PLA2R1: variants seen among roughly 807,000 people sequenced by gnomAD.
PLA2R1 encodes the protein secretory phospholipase A2 receptor.
A neutral mutation model predicts 195.9 loss-of-function variants in PLA2R1; 158 were observed. The ratio of observed to expected loss-of-function variants is 0.81; its 90% CI spans 0.71 to 0.92. The LOEUF is 0.92. PLA2R1 is among the 40% of genes least tolerant of loss of function. The pLI, the probability that PLA2R1 is intolerant of heterozygous loss-of-function variation, is 0.00. For synonymous variants in PLA2R1, 586 were observed against 598.2 expected, an observed-to-expected ratio of 0.98 and a Z score of 0.30; for missense variants, 1,626 against 1,764.6, an observed-to-expected ratio of 0.92 and a Z score of 1.41.
At position 160,013,318 on chromosome 2, in the gene PLA2R1, C is replaced by G; in HGVS notation, c.1609G>C (p.Asp537His). 6.2e-7 allele frequency: 1 copy of G among 1,612,016 alleles called. No individual in the cohort carries two copies. The highest frequency in any genetic ancestry group is 2.2e-5 in the East Asian group (1 of 44,774). The change falls in exon 10 of 30, where the codon GAC becomes CAC. Residue 537 changes from aspartate (D) to histidine (H), a missense_variant. By Grantham distance (81) the Asp-to-His change is moderately conservative (BLOSUM62 -1). Coordinates refer to ENST00000283243, the MANE Select transcript of PLA2R1 (RefSeq NM_007366.5). Reference protein sequence around the residue: ...YKIDTVLRSFDQASSGYYCPP... With the variant: ...YKIDTVLRSFHQASSGYYCPP... Reference sequence around the variant, plus strand: ...CAGTAATAACCGCTGGAAGCTTGGTCAAAGCTTCGAAGGACTGTGTCAATT... The same window carrying G: ...CAGTAATAACCGCTGGAAGCTTGGTGAAAGCTTCGAAGGACTGTGTCAATT...
intron 26 of PLA2R1, 85 bp downstream of exon 26, chr2:159,947,334 G>T: frequency 1.7e-6 from 2 of 1,154,326 alleles, no homozygotes; most frequent in South Asian, 3.0e-5. Flanking sequence ...ACTAAATAAT[G>T]GGATGAATAA....
intron 28 of PLA2R1, among the ~76,000 whole-genome samples, 196 bp from the exon 29 acceptor site, chr2:159,942,355 C>T (rs997715115): frequency 6.6e-6 from 1 of 152,148 alleles, no homozygotes; most frequent in African/African-American, 2.4e-5. Flanking sequence ...GTAACAGAGA[C>T]CATATGGCTC....
rs541337583 is a variant in PLA2R1 at position 160,054,461 on chromosome 2, C to G, written c.109+7834G>C. Among the ~76,000 whole-genome samples, 21 of 152,274 alleles carry G rather than the reference C, an allele frequency of 1.4e-4. No individual in the cohort carries two copies. The East Asian group carries it at 4.0e-3, about 29-fold the overall frequency. ...AAAAATGTGTATAGTTAAATAATTA[C>G]TTTGAGTTTCCTGTTTATATTTTCA... On this transcript the variant is annotated intron_variant, in intron 1 of 29. Transcript: ENST00000283243.
intron 3 of PLA2R1, among the ~76,000 whole-genome samples, chr2:160,037,990 C>T (rs1271904993): frequency 6.6e-6 from 1 of 152,120 alleles, no homozygotes; most frequent in African/African-American, 2.4e-5. Flanking sequence ...CCAGAGAAGT[C>T]CCTGGCACAT....
chr2:159,976,673 A>G lies in PLA2R1; in HGVS notation c.2437+12T>C, dbSNP rs1257954449. 3 of 1,561,188 alleles carry G rather than the reference A, an allele frequency of 1.9e-6. No homozygotes were observed. The highest frequency in any genetic ancestry group is 1.7e-5 in the Admixed American group (1 of 59,898). ...TAATTAGAAATTCAAGAGCTGCCAG[A>G]GTCATTCTTACCGTACTGGTACCAG... is the stretch of plus-strand genomic sequence containing the variant. On this transcript the variant is annotated intron_variant, in intron 16 of 29. Transcript: ENST00000283243.
At chr2:160,025,543 T>C (rs1693449387) in intron 6 of PLA2R1, among the ~76,000 whole-genome samples, 2 of 132,688 alleles carry the variant, frequency 1.5e-5, no homozygotes, top group South Asian at 4.8e-4. Flanking sequence ...TATAAAACAG[T>C]CCATTATAAC....
At chr2:160,007,940 G>A (rs756648451) in intron 10 of PLA2R1, among the ~76,000 whole-genome samples, 7 of 152,160 alleles carry the variant, frequency 4.6e-5, no homozygotes, top group Non-Finnish European at 8.8e-5. Context: ...CAATATAATC[G>A]TGAAAAGAAA....
intron 13 of PLA2R1, among the ~76,000 whole-genome samples, chr2:159,983,298 G>C (rs140373816): frequency 7.2e-5 from 11 of 152,034 alleles, no homozygotes; most frequent in South Asian, 4.1e-4. Flanking sequence ...AGCACAAGAC[G>C]GTTTAGAGTT....
At chr2:160,009,872 C>T (rs1477327602) in intron 10 of PLA2R1, among the ~76,000 whole-genome samples, 1 of 152,130 alleles carries the variant, frequency 6.6e-6, no homozygotes, top group Non-Finnish European at 1.5e-5. Flanking sequence ...CTTTGAGAGG[C>T]CGAGGCAGGA....
At chr2:160,045,197 T>A (rs759825162) in intron 1 of PLA2R1, 40 bp from the exon 2 acceptor site, 1 of 1,461,982 alleles carries the variant, frequency 6.8e-7, no homozygotes, top group Admixed American at 1.8e-5. Context: ...AATTTTCATA[T>A]ATAATTAACT....
intron 23 of PLA2R1, among the ~76,000 whole-genome samples, chr2:159,952,027 C>G (rs536491713): frequency 6.6e-6 from 1 of 152,322 alleles, no homozygotes. Flanking sequence ...TGCATATTAT[C>G]AGGTAAAATA....
chr2:159,987,098 G>T lies in PLA2R1; in HGVS notation c.2037+58C>A, dbSNP rs1374024097. The T allele has an allele frequency of 9.7e-6, 13 of 1,334,680 alleles. No individual in the cohort carries two copies. In the East Asian group the frequency reaches 2.3e-4, roughly 24 times the overall value. 82.7% of individuals were successfully genotyped at this position (1,334,680 alleles called of 1,614,324 possible). A position where few individuals can be genotyped will look rare whatever the true frequency, so the allele number is the denominator to read the frequency against. ...CGGAATAAAGGAATTTGGGATACATGGATCAAATTAAAATAGTGTTGGTCC... is the reference window on the plus strand; with the variant it reads ...CGGAATAAAGGAATTTGGGATACATTGATCAAATTAAAATAGTGTTGGTCC... On this transcript the variant is annotated intron_variant, in intron 12 of 29. Transcript: ENST00000283243.
chr2:159,965,609 G>A (rs974941579), intron 20 of PLA2R1, among the ~76,000 whole-genome samples: 3 of 152,170 alleles, frequency 2.0e-5, no homozygotes, highest in African/African-American at 7.2e-5. Context: ...AATATTCATG[G>A]ACAGGTTTTT....
chr2:159,949,593 T>G lies in PLA2R1; in HGVS notation c.3709+15A>C. The G allele has an allele frequency of 6.3e-7, 1 of 1,599,778 alleles. No individual in the cohort carries two copies. The highest frequency in any genetic ancestry group is 8.6e-7 in the Non-Finnish European group (1 of 1,167,432). On this transcript the variant is annotated intron_variant, in intron 25 of 29. Coordinates refer to ENST00000283243, the MANE Select transcript of PLA2R1 (RefSeq NM_007366.5). ...AAATAAGGTATATTTTTGAGTTGAA[T>G]AGAATTGAACCTACCAGGTGGCACA...
At position 160,022,791 on chromosome 2, in the gene PLA2R1, A is replaced by G; in HGVS notation, c.1168T>C (p.Tyr390His). ...GTCTTTTCTTCTTTCTGAAGTTTGT[A>G]GCAATTACGATTGTAGGGATTCCAG... ...PGWNPYNRNC[Y>H]KLQKEEKTWH... Residue 390 changes from tyrosine to histidine, a missense_variant, in exon 7 of 30, where the codon TAC (tyrosine) becomes CAC (histidine). Coordinates refer to ENST00000283243, the MANE Select transcript of PLA2R1 (RefSeq NM_007366.5). 1.2e-6 allele frequency: 2 copies of G among 1,613,732 alleles called. No homozygotes were observed. The highest frequency in any genetic ancestry group is 1.7e-6 in the Non-Finnish European group (2 of 1,179,636).
chr2:160,006,840 C>T (rs920065967), intron 10 of PLA2R1, among the ~76,000 whole-genome samples: 2 of 152,078 alleles, frequency 1.3e-5, no homozygotes, highest in Admixed American at 1.3e-4. Flanking sequence ...ACTGTGCATC[C>T]TTAACTTGCT....
chr2:159,945,322 A>G (rs1207444455), intron 27 of PLA2R1, among the ~76,000 whole-genome samples: 3 of 152,054 alleles, frequency 2.0e-5, no homozygotes, highest in Non-Finnish European at 4.4e-5. Flanking sequence ...AGCATTAGGT[A>G]TATCTCCCAA....
At position 159,953,751 on chromosome 2, in the gene PLA2R1, T is replaced by C. The variant is rs191508823; in HGVS notation, c.3301+1448A>G. On this transcript the variant is annotated intron_variant, in intron 23 of 29. Coordinates refer to ENST00000283243, the MANE Select transcript of PLA2R1 (RefSeq NM_007366.5). ...GAGAGAAAGTGATCAGAGGGCACAT[T>C]CCAAGAATAAATCAACATCAAGGTA... 1.1e-3 allele frequency among the ~76,000 whole-genome samples: 171 copies of C among 152,360 alleles called. No homozygotes were observed. In the Middle Eastern group the frequency reaches 0.051, roughly 45 times the overall value.
At chr2:159,954,505 C>A (rs887085499) in intron 23 of PLA2R1, among the ~76,000 whole-genome samples, 1 of 120,380 alleles carries the variant, frequency 8.3e-6, no homozygotes, top group Non-Finnish European at 1.9e-5. Flanking sequence ...ATTCCTATTC[C>A]AAATAAGTAT....
Sources: gnomAD v4.1 joint callset for allele counts (sites outside exome capture counted in the v4.1 genomes callset) on GRCh38, gnomAD v4.1.1 for gene constraint, MANE v1.5 for transcripts, NCBI Gene and HGNC (gene_info 2026-07-23, HGNC 2026-07-21) for gene names.